The following BACH2 variants were observed in gnomAD, a reference collection of about 807,000 sequenced individuals.
BACH2 encodes the protein BACH transcriptional regulator 2.
Under a neutral mutation model 61.8 loss-of-function variants are expected in BACH2, and 5 were observed. The observed-to-expected ratio is 0.08, with a 90% CI of 0.04 to 0.17. BACH2 has a LOEUF of 0.17. Ranked by LOEUF, BACH2 falls within the 10% of genes least tolerant of loss-of-function variation. The pLI, the probability that BACH2 is intolerant of heterozygous loss-of-function variation, is 1.00. For missense variants in BACH2, 824 were observed against 1,091.1 expected (o/e 0.76, Z 3.45); for synonymous variants, 446 against 440.1 (o/e 1.01, Z -0.17).
chr6:89,934,958 C>G lies in BACH2; in HGVS notation c.2044-2068G>C, dbSNP rs546039600. Among the ~76,000 whole-genome samples, 10 of 152,124 alleles carry G rather than the reference C, an allele frequency of 6.6e-5. No individual in the cohort carries two copies. The East Asian group carries it at 1.7e-3, about 27-fold the overall frequency. On this transcript the variant is annotated intron_variant, in intron 8 of 8. Coordinates refer to ENST00000257749, the MANE Select transcript of BACH2 (RefSeq NM_021813.4). ...GTGTGTCGGAAAGAGAGATTTACACCGGGAAAGGGCACCTCCTAAAATATT... is the reference window on the plus strand; with the variant it reads ...GTGTGTCGGAAAGAGAGATTTACACGGGGAAAGGGCACCTCCTAAAATATT...
At chr6:90,211,589 T>C (rs1402722461) in intron 3 of BACH2, among the ~76,000 whole-genome samples, 6 of 5,152 alleles carry the variant, frequency 1.2e-3, no homozygotes, top group Non-Finnish European at 2.4e-3. Context: ...TGTCAAGGGC[T>C]GTGTGTGTGT....
intron 5 of BACH2, among the ~76,000 whole-genome samples, chr6:90,051,903 C>G (rs553385768): frequency 2.0e-5 from 3 of 152,252 alleles, no homozygotes; most frequent in African/African-American, 7.2e-5. Context: ...CATTATCATT[C>G]AATTCTAAGT....
Position 90,131,535 on chromosome 6 carries a change from G to A in BACH2, c.-161-42426C>T, listed in dbSNP as rs1784081205. On this transcript the variant is annotated intron_variant, in intron 4 of 8. Transcript: ENST00000257749. ...GGCCCAAATCTCAGCGAAAGCCTCT[G>A]AATAGATAGGCAAGCTCCAGAAGGA... Among the ~76,000 whole-genome samples, 4 of 152,156 alleles carry A rather than the reference G, an allele frequency of 2.6e-5. No individual in the cohort carries two copies. The South Asian group carries it at 8.3e-4, about 31-fold the overall frequency.
chr6:90,076,915 G>A (rs1206607830), intron 5 of BACH2, among the ~76,000 whole-genome samples: 6 of 152,190 alleles, frequency 3.9e-5, no homozygotes, highest in Middle Eastern at 3.4e-3. Flanking sequence ...GAAAATTCCC[G>A]TTTTCCGGAG....
chr6:89,950,657 A>G lies in BACH2; in HGVS notation c.1449T>C (p.Gly483=). ...CTGGCAAGTGGTCGGCCATCAGCCCACCGTGGGAGTAGGCCTGCGAGCTGG... is the reference window on the plus strand; with the variant it reads ...CTGGCAAGTGGTCGGCCATCAGCCCGCCGTGGGAGTAGGCCTGCGAGCTGG... ...SLPSSQAYSH[G]GLMADHLPGR... Residue 483 remains glycine, a synonymous_variant, in exon 7 of 9, where the codon GGT becomes GGC. Coordinates refer to ENST00000257749, the MANE Select transcript of BACH2 (RefSeq NM_021813.4). The surrounding 1 kb of genome is among the most constrained non-coding windows in gnomAD (Gnocchi z 5.3). The G allele has an allele frequency of 1.9e-6, 3 of 1,614,124 alleles. No homozygotes were observed. The highest frequency in any genetic ancestry group is 2.5e-6 in the Non-Finnish European group (3 of 1,180,006).
In BACH2 at chr6:89,990,640, G is replaced by A. The variant is rs570394647; in HGVS notation, c.243+17962C>T. 2.4e-3 allele frequency among the ~76,000 whole-genome samples: 332 copies of A among 139,746 alleles called. 1 individual carries two copies. Among genetic ancestry groups the A allele is most frequent in the African/African-American group, 7.5e-3 (287 of 38,478 alleles). The allele number at this position is 139,746 out of a possible 152,430, so 91.7% of individuals were successfully genotyped here. A position where few individuals can be genotyped will look rare whatever the true frequency, so the allele number is the denominator to read the frequency against. Reference sequence around the variant, plus strand: ...TCTCCTCCCAATACCCACCCCCACCGACCCCTCCAACCTCTGGTCCATGTT... The same window carrying A: ...TCTCCTCCCAATACCCACCCCCACCAACCCCTCCAACCTCTGGTCCATGTT... On this transcript the variant is annotated intron_variant, in intron 6 of 8. Coordinates refer to ENST00000257749, the MANE Select transcript of BACH2 (RefSeq NM_021813.4).
At chr6:90,002,114 T>C (rs535003548) in intron 6 of BACH2, among the ~76,000 whole-genome samples, 2 of 152,242 alleles carry the variant, frequency 1.3e-5, no homozygotes, top group South Asian at 4.1e-4. Flanking sequence ...TTTGACCTAG[T>C]TGATGGCTCT....
intron 4 of BACH2, among the ~76,000 whole-genome samples, chr6:90,117,311 T>C (rs934512719): frequency 6.6e-5 from 10 of 152,148 alleles, no homozygotes; most frequent in Non-Finnish European, 5.9e-5. Flanking sequence ...TGAATTTCAA[T>C]TCTTTTCTCA....
intron 4 of BACH2, among the ~76,000 whole-genome samples, chr6:90,153,800 ATAAT>A (rs1705318566): frequency 6.6e-6 from 1 of 152,224 alleles, no homozygotes; most frequent in Non-Finnish European, 1.5e-5. Context: ...CCTAGAGAAA[ATAAT>A]TCTTTCCTAA....
chr6:89,976,562 T>C (rs143000208), intron 6 of BACH2, among the ~76,000 whole-genome samples: 40 of 152,364 alleles, frequency 2.6e-4, no homozygotes, highest in African/African-American at 9.6e-4. Context: ...TCAACTCAAA[T>C]GTCCCTTGCT....
chr6:90,075,743 T>A lies in BACH2; in HGVS notation c.-13+13218A>T, dbSNP rs188302765. On this transcript the variant is annotated intron_variant, in intron 5 of 8. Transcript: ENST00000257749. ...TCTCTGTTAACTGATCAGAGATACT[T>A]CTCAGGTTTCTTTCACCAAGGACAA... Among the ~76,000 whole-genome samples, 181 of 152,300 alleles carry A rather than the reference T, an allele frequency of 1.2e-3. 1 individual carries two copies. Among genetic ancestry groups the A allele is most frequent in the African/African-American group, 4.2e-3 (173 of 41,562 alleles).
intron 3 of BACH2, among the ~76,000 whole-genome samples, chr6:90,229,230 A>AAT (rs1770013409): frequency 1.3e-5 from 2 of 152,200 alleles, no homozygotes; most frequent in Admixed American, 1.3e-4. Flanking sequence ...AGGCCGAGGC[A>AAT]GGCGGATGAC....
At chr6:90,096,289 C>A (rs1208976719) in intron 4 of BACH2, among the ~76,000 whole-genome samples, 2 of 152,200 alleles carry the variant, frequency 1.3e-5, no homozygotes, top group Non-Finnish European at 2.9e-5. Flanking sequence ...AGAATTCCCT[C>A]CCACAACCCT....
At chr6:90,233,936 C>G (rs763413756) in intron 3 of BACH2, among the ~76,000 whole-genome samples, 3 of 152,204 alleles carry the variant, frequency 2.0e-5, no homozygotes, top group Non-Finnish European at 4.4e-5. Context: ...TTCACCCTCA[C>G]TGTCGGCATG....
At chr6:90,267,052 A>C (rs548355510) in intron 2 of BACH2, among the ~76,000 whole-genome samples, 1 of 152,230 alleles carries the variant, frequency 6.6e-6, no homozygotes, top group African/African-American at 2.4e-5. Context: ...ATTTCCTGTA[A>C]GCTGATCTTG....
At chr6:90,003,574 C>T (rs1206318271) in intron 6 of BACH2, among the ~76,000 whole-genome samples, 1 of 152,134 alleles carries the variant, frequency 6.6e-6, no homozygotes, top group African/African-American at 2.4e-5. Context: ...ATGATGTCTC[C>T]TGGTTACATA....
intron 8 of BACH2, among the ~76,000 whole-genome samples, chr6:89,933,285 T>C (rs540592520): frequency 3.7e-4 from 56 of 152,262 alleles, no homozygotes; most frequent in Non-Finnish European, 6.5e-4. Context: ...CAGGTTGCCA[T>C]TTTTGAAAGG....
At chr6:90,048,202 C>T (rs1779879162) in intron 5 of BACH2, among the ~76,000 whole-genome samples, 1 of 152,102 alleles carries the variant, frequency 6.6e-6, no homozygotes, top group South Asian at 2.1e-4. Context: ...GATCATAGCT[C>T]ACTGCAGCCT....
intron 6 of BACH2, among the ~76,000 whole-genome samples, chr6:89,969,578 T>A (rs1775246234): frequency 6.6e-6 from 1 of 152,106 alleles, no homozygotes. Context: ...GCCTTTGTCC[T>A]TCAAATATTG....
Sources: allele counts gnomAD v4.1 joint callset (sites outside exome capture counted in the v4.1 genomes callset), GRCh38; gene constraint gnomAD v4.1.1; non-coding constraint Gnocchi (gnomAD v3.1); transcripts MANE v1.5; gene names NCBI Gene and HGNC (gene_info 2026-07-23, HGNC 2026-07-21).